The following NEGR1 variants were observed in gnomAD, a reference collection of about 807,000 sequenced individuals.
NEGR1 encodes IgLON family member 4.
In NEGR1, 10 loss-of-function variants were observed where a neutral mutation model predicts 40.9. The observed-to-expected ratio is 0.24, with a 90% confidence interval of 0.15 to 0.42. The LOEUF (loss-of-function observed/expected upper bound fraction) is 0.42. NEGR1 is among the 10% of genes least tolerant of loss of function. The probability of loss-of-function intolerance (pLI) is 1.00; values close to 1 mark genes in which losing one functional copy is unlikely to be tolerated. For synonymous variants in NEGR1, 185 were observed against 166.8 expected (o/e 1.11, Z -0.84); for missense variants, 352 against 438.9 (o/e 0.80, Z 1.77).
chr1:72,101,092 G>A lies in NEGR1; in HGVS notation c.177-165781C>T, dbSNP rs1648920034. 3.9e-5 allele frequency among the ~76,000 whole-genome samples: 6 copies of A among 152,256 alleles called. No homozygotes were observed. The South Asian group carries it at 1.2e-3, about 32-fold the overall frequency. On this transcript the variant is annotated intron_variant, in intron 1 of 6. Coordinates refer to ENST00000357731, the MANE Select transcript of NEGR1 (RefSeq NM_173808.3). ...CACTGGGAGTTAGGGCTTGGACACA[G>A]GAATTTTCACAGGGGACGTATTGCA...
intron 2 of NEGR1, among the ~76,000 whole-genome samples, chr1:71,779,017 C>T (rs531364214): frequency 6.6e-6 from 1 of 152,156 alleles, no homozygotes; most frequent in African/African-American, 2.4e-5. Flanking sequence ...TTGCAATTGC[C>T]TTCCAGGGCC....
At chr1:72,066,621 CAG>C (rs1272871280) in intron 1 of NEGR1, among the ~76,000 whole-genome samples, 1 of 152,072 alleles carries the variant, frequency 6.6e-6, no homozygotes, top group African/African-American at 2.4e-5. Context: ...TACACGAAGA[CAG>C]AGAAACACCA....
chr1:71,878,309 C>T (rs1356893541), intron 2 of NEGR1, among the ~76,000 whole-genome samples: 3 of 152,080 alleles, frequency 2.0e-5, no homozygotes, highest in African/African-American at 4.8e-5. Flanking sequence ...TCTTTCCCAG[C>T]AGTGATTCTT....
intron 2 of NEGR1, among the ~76,000 whole-genome samples, chr1:71,870,372 G>A (rs1008096953): frequency 5.9e-5 from 9 of 151,994 alleles, no homozygotes; most frequent in Non-Finnish European, 1.0e-4. Flanking sequence ...GCATAATTAC[G>A]TTAGGGTATG....
chr1:71,419,217 G>C (rs1477643120), intron 6 of NEGR1, among the ~76,000 whole-genome samples: 1 of 152,114 alleles, frequency 6.6e-6, no homozygotes, highest in Non-Finnish European at 1.5e-5. Flanking sequence ...CAAGCAATTT[G>C]CTCATTTTAG....
intron 3 of NEGR1, among the ~76,000 whole-genome samples, chr1:71,754,590 C>G (rs1322907909): frequency 2.0e-5 from 3 of 152,070 alleles, no homozygotes; most frequent in Non-Finnish European, 4.4e-5. Context: ...AGCAGTCCAG[C>G]AAATATCCCA....
At chr1:72,024,594 C>A (rs1054705902) in intron 1 of NEGR1, among the ~76,000 whole-genome samples, 1 of 152,124 alleles carries the variant, frequency 6.6e-6, no homozygotes, top group Non-Finnish European at 1.5e-5. Flanking sequence ...AAACAAAATG[C>A]TTTTCTGCTA....
intron 3 of NEGR1, among the ~76,000 whole-genome samples, chr1:71,750,745 A>G (rs1345316356): frequency 2.6e-5 from 4 of 152,166 alleles, no homozygotes; most frequent in African/African-American, 9.7e-5. Flanking sequence ...GTGGGGACAC[A>G]GCCAAACCAT....
intron 3 of NEGR1, among the ~76,000 whole-genome samples, chr1:71,739,096 G>A (rs1244560905): frequency 6.8e-6 from 1 of 146,482 alleles, no homozygotes; most frequent in Non-Finnish European, 1.5e-5. Context: ...GTTGCCAAAG[G>A]AAATTAACAT....
At chr1:72,275,153 T>G in intron 1 of NEGR1, 1 of 664,532 alleles carries the variant, frequency 1.5e-6, no homozygotes, top group Non-Finnish European at 2.7e-6. Flanking sequence ...GCCACCCATG[T>G]GTTTTTCTAA....
At position 72,102,723 on chromosome 1, in the gene NEGR1, C is replaced by A. The variant is rs78093345; in HGVS notation, c.177-167412G>T. 7.7e-3 allele frequency among the ~76,000 whole-genome samples: 1,171 copies of A among 152,130 alleles called. 14 individuals are homozygous for A. The highest frequency in any genetic ancestry group is 0.027 in the African/African-American group (1,131 of 41,532). ...ATGTACACATACACATTTTTACATT[C>A]ATATTTAGTATCATGATACATTTAT... On this transcript the variant is annotated intron_variant, in intron 1 of 6. Coordinates refer to ENST00000357731, the MANE Select transcript of NEGR1 (RefSeq NM_173808.3).
intron 6 of NEGR1, among the ~76,000 whole-genome samples, chr1:71,457,041 C>T (rs919793114): frequency 6.6e-6 from 1 of 152,110 alleles, no homozygotes; most frequent in Admixed American, 6.5e-5. Context: ...TTATTATCTT[C>T]CTCTGGCTTC....
At chr1:72,266,722 TAAACACAC>T (rs1236160104) in intron 1 of NEGR1, among the ~76,000 whole-genome samples, 14 of 60,996 alleles carry the variant, frequency 2.3e-4, no homozygotes, top group African/African-American at 7.3e-4. Context: ...TATAGACAGA[TAAACACAC>T]ACACACACAC....
intron 1 of NEGR1, among the ~76,000 whole-genome samples, chr1:72,214,264 G>A (rs1236170285): frequency 6.6e-6 from 1 of 152,044 alleles, no homozygotes. Flanking sequence ...ATATCATACT[G>A]AATGGGCAAA....
intron 1 of NEGR1, among the ~76,000 whole-genome samples, chr1:72,242,744 T>C (rs1030900193): frequency 2.0e-5 from 3 of 151,704 alleles, no homozygotes; most frequent in African/African-American, 7.2e-5. Flanking sequence ...TACTTTATTA[T>C]AATTTTCATT....
At chr1:71,756,652 T>C (rs1167786930) in intron 3 of NEGR1, among the ~76,000 whole-genome samples, 1 of 152,128 alleles carries the variant, frequency 6.6e-6, no homozygotes, top group African/African-American at 2.4e-5. Flanking sequence ...GTAATTGAAT[T>C]GAATTTGCTC....
intron 1 of NEGR1, chr1:72,275,136 G>T (rs868570060): frequency 2.7e-6 from 2 of 741,194 alleles, no homozygotes; most frequent in Middle Eastern, 3.5e-4. Context: ...TTTCCCGCAC[G>T]TACGATGCCA....
In NEGR1 at chr1:71,737,470, G is replaced by C. The variant is rs115980710; in HGVS notation, c.535+38702C>G. On this transcript the variant is annotated intron_variant, in intron 3 of 6. Coordinates refer to ENST00000357731, the MANE Select transcript of NEGR1 (RefSeq NM_173808.3). The stretch of plus-strand genomic sequence containing the variant: ...TTTGTTGTAGCAACAAAGGAAAAAA[G>C]TAATGAAGCAGATAGGAGAACTCTC... Among the ~76,000 whole-genome samples, 1,132 of 151,990 alleles carry C rather than the reference G, an allele frequency of 7.4e-3. 12 individuals carry two copies. The highest frequency in any genetic ancestry group is 0.026 in the African/African-American group (1,093 of 41,466).
chr1:72,183,591 A>G (rs1652476187), intron 1 of NEGR1, among the ~76,000 whole-genome samples: 1 of 152,150 alleles, frequency 6.6e-6, no homozygotes, highest in African/African-American at 2.4e-5. Flanking sequence ...CTGAAACACT[A>G]TAAACAAATG....
Sources: gnomAD v4.1 joint callset for allele counts (sites outside exome capture counted in the v4.1 genomes callset) on GRCh38, gnomAD v4.1.1 for gene constraint, MANE v1.5 for transcripts, NCBI Gene and HGNC (gene_info 2026-07-23, HGNC 2026-07-21) for gene names.